Variants in IGSF21 observed in about 807,000 individuals in gnomAD.
IGSF21 encodes immunoglobulin superfamily member 21.
A neutral mutation model predicts 46.8 loss-of-function variants in IGSF21; 28 were observed. The observed-to-expected ratio is 0.60, with a 90% CI of 0.44 to 0.82. The LOEUF is 0.82. Ranked by LOEUF, IGSF21 falls within the 40% of genes least tolerant of loss-of-function variation. IGSF21 has a pLI of 0.00. For synonymous variants in IGSF21, 284 were observed against 273.6 expected (o/e 1.04, Z -0.38); for missense variants, 624 against 665.5 (o/e 0.94, Z 0.69).
At chr1:18,175,270 T>C (rs1322201119) in intron 1 of IGSF21, among the ~76,000 whole-genome samples, 1 of 152,190 alleles carries the variant, frequency 6.6e-6, no homozygotes, top group Non-Finnish European at 1.5e-5. Context: ...CTTTATAATC[T>C]GGAGGGACTG....
intron 1 of IGSF21, among the ~76,000 whole-genome samples, chr1:18,201,495 T>C (rs1173646393): frequency 6.6e-6 from 1 of 152,110 alleles, no homozygotes; most frequent in Admixed American, 6.5e-5. Context: ...AAGTCTATCA[T>C]CCAGAAATTC....
Position 18,378,406 on chromosome 1 carries a change from C to A in IGSF21, c.*80C>A. 1.7e-6 allele frequency: 2 copies of A among 1,198,770 alleles called. No individual in the cohort carries two copies. Among genetic ancestry groups the A allele is most frequent in the Non-Finnish European group, 2.4e-6 (2 of 830,550 alleles). The allele number at this position is 1,198,770 out of a possible 1,614,324, so 74.3% of individuals were successfully genotyped here. Reference sequence around the variant, plus strand: ...ATTTCTTTTCTAAACTATTTCCAGTCTTGTTCTTAGTCTCTTTCCATCTGT... The same window carrying A: ...ATTTCTTTTCTAAACTATTTCCAGTATTGTTCTTAGTCTCTTTCCATCTGT... On this transcript the variant is annotated 3_prime_UTR_variant, in exon 10 of 10. Coordinates refer to ENST00000251296, the MANE Select transcript of IGSF21 (RefSeq NM_032880.5).
intron 1 of IGSF21, among the ~76,000 whole-genome samples, chr1:18,192,071 AG>A (rs2086962958): frequency 6.6e-6 from 1 of 152,140 alleles, no homozygotes; most frequent in African/African-American, 2.4e-5. Context: ...ATGGCAGAAG[AG>A]CCCAGCCTTC....
chr1:18,189,765 G>A (rs2086937371), intron 1 of IGSF21, among the ~76,000 whole-genome samples: 1 of 152,140 alleles, frequency 6.6e-6, no homozygotes. Flanking sequence ...TGAACAATGG[G>A]GAGTGGCTGT....
intron 2 of IGSF21, among the ~76,000 whole-genome samples, chr1:18,287,222 A>AAT (rs2085223032): frequency 6.9e-6 from 1 of 145,526 alleles, no homozygotes; most frequent in African/African-American, 2.5e-5. Context: ...AAAATAAATA[A>AAT]AAATAAAAAT....
At chr1:18,325,266 G>T (rs1434678246) in intron 3 of IGSF21, among the ~76,000 whole-genome samples, 1 of 152,152 alleles carries the variant, frequency 6.6e-6, no homozygotes, top group African/African-American at 2.4e-5. Context: ...TCCATTCAAC[G>T]ATATTCATTA....
intron 1 of IGSF21, among the ~76,000 whole-genome samples, chr1:18,175,099 C>T (rs2086782733): frequency 6.6e-6 from 1 of 152,204 alleles, no homozygotes; most frequent in South Asian, 2.1e-4. Flanking sequence ...CACCTCCACC[C>T]TGAAACAAAC....
chr1:18,241,332 G>C (rs2084725704), intron 2 of IGSF21, among the ~76,000 whole-genome samples: 1 of 152,132 alleles, frequency 6.6e-6, no homozygotes, highest in South Asian at 2.1e-4. Context: ...GCCCCTCGAG[G>C]CTCCTCTCCC....
intron 1 of IGSF21, among the ~76,000 whole-genome samples, chr1:18,187,080 AT>A (rs565249264): frequency 0.014 from 2,041 of 148,770 alleles, 38 homozygotes; most frequent in African/African-American, 0.044. Context: ...ACTATAGATT[AT>A]TTTTTTTTTT....
Position 18,334,617 on chromosome 1 carries a change from A to G in IGSF21, c.306-275A>G, listed in dbSNP as rs552369316. 6.6e-6 allele frequency among the ~76,000 whole-genome samples: 1 copy of G among 152,288 alleles called. No individual in the cohort carries two copies. Among genetic ancestry groups the G allele is most frequent in the African/African-American group, 2.4e-5 (1 of 41,570 alleles). ...TGGAAGTGGGCACCATCCCAGGCTC[A>G]TGGAAGCCAACAGGCTAAATAACTG... On this transcript the variant is annotated intron_variant, in intron 3 of 9. Coordinates refer to ENST00000251296, the MANE Select transcript of IGSF21 (RefSeq NM_032880.5). The surrounding 1 kb of genome is among the most constrained non-coding windows in gnomAD (Gnocchi z 4.3).
At chr1:18,284,801 C>T (rs2085196738) in intron 2 of IGSF21, among the ~76,000 whole-genome samples, 1 of 152,244 alleles carries the variant, frequency 6.6e-6, no homozygotes, top group African/African-American at 2.4e-5. Flanking sequence ...CACCTCTTGC[C>T]TGGGCTGGGA....
chr1:18,141,283 T>C (rs1227701407), intron 1 of IGSF21, among the ~76,000 whole-genome samples: 3 of 152,224 alleles, frequency 2.0e-5, no homozygotes, highest in Non-Finnish European at 4.4e-5. Context: ...TTCTATTTAT[T>C]ATAATGACTA....
In IGSF21 at chr1:18,365,315, C is replaced by T; in HGVS notation, c.633C>T (p.Pro211=). The change falls in exon 6 of 10, where the codon CCC becomes CCT. Residue 211 remains proline, a synonymous_variant. Coordinates refer to ENST00000251296, the MANE Select transcript of IGSF21 (RefSeq NM_032880.5). This position sits in a 1 kb window ranked among gnomAD's most constrained non-coding sequence, Gnocchi z 4.8. The stretch of plus-strand genomic sequence containing the variant: ...CCGGCCCCCTACAGGACAGCAGGCC[C>T]TTCCGCAGCCTTCTGCACCGTGACC... ...ASSGPLQDSR[P]FRSLLHRDLD... is the part of the protein sequence containing the mutation. The T allele has an allele frequency of 6.2e-7, 1 of 1,614,140 alleles. No homozygotes were observed. Among genetic ancestry groups the T allele is most frequent in the South Asian group, 1.1e-5 (1 of 91,078 alleles).
chr1:18,127,002 C>G (rs1463406304), intron 1 of IGSF21, among the ~76,000 whole-genome samples: 1 of 152,190 alleles, frequency 6.6e-6, no homozygotes, highest in Non-Finnish European at 1.5e-5. Flanking sequence ...TGACCCTCCC[C>G]ACGTACCCCA....
At chr1:18,218,512 T>C (rs1160341033) in intron 1 of IGSF21, among the ~76,000 whole-genome samples, 1 of 152,130 alleles carries the variant, frequency 6.6e-6, no homozygotes, top group Admixed American at 6.5e-5. Context: ...AATTCAAATA[T>C]AAAACCTAGG....
chr1:18,257,932 A>C (rs1406278699), intron 2 of IGSF21, among the ~76,000 whole-genome samples: 1 of 152,158 alleles, frequency 6.6e-6, no homozygotes, highest in African/African-American at 2.4e-5. Flanking sequence ...CCCCTGCTGC[A>C]GTCTCCCACT....
At chr1:18,122,193 C>CTTTTTTTTTTTTTTTTTTTTTTTTTTTTT (rs766563472) in intron 1 of IGSF21, among the ~76,000 whole-genome samples, 1 of 78,762 alleles carries the variant, frequency 1.3e-5, no homozygotes, top group Admixed American at 1.7e-4. Flanking sequence ...TTCTTTCTTT[C>CTTTTTTTTTTTTTTTTTTTTTTTTTTTTT]TTTTTTTTTT....
intron 6 of IGSF21, among the ~76,000 whole-genome samples, chr1:18,372,860 GGATGGGTGGA>G (rs1302112683): frequency 4.8e-4 from 41 of 84,864 alleles, no homozygotes; most frequent in Middle Eastern, 5.6e-3. Context: ...ATGGATGGAT[GGATGGGTGGA>G]TGGATGGATG....
At chr1:18,199,093 T>G (rs556707612) in intron 1 of IGSF21, among the ~76,000 whole-genome samples, 4 of 152,130 alleles carry the variant, frequency 2.6e-5, no homozygotes, top group Non-Finnish European at 4.4e-5. Context: ...ATTAGGCCCA[T>G]GTCCTTCTAA....
Sources: gnomAD v4.1 joint callset for allele counts (sites outside exome capture counted in the v4.1 genomes callset) on GRCh38, gnomAD v4.1.1 for gene constraint, Gnocchi (gnomAD v3.1) non-coding constraint, MANE v1.5 for transcripts, NCBI Gene and HGNC (gene_info 2026-07-23, HGNC 2026-07-21) for gene names.